The following CADM2 variants were observed in gnomAD, a reference collection of about 807,000 sequenced individuals.
CADM2 encodes cell adhesion molecule 2.
A neutral mutation model predicts 49.8 loss-of-function variants in CADM2; 12 were observed. The ratio of observed to expected loss-of-function variants is 0.24; its 90% CI spans 0.15 to 0.39. CADM2 has a LOEUF of 0.39. Ranked by LOEUF, CADM2 falls within the 10% of genes least tolerant of loss-of-function variation. CADM2 has a pLI of 1.00. For missense variants in CADM2, 378 were observed against 492.3 expected, an observed-to-expected ratio of 0.77 and a Z score of 2.20; for synonymous variants, 214 against 175.4, an observed-to-expected ratio of 1.22 and a Z score of -1.74.
intron 1 of CADM2, among the ~76,000 whole-genome samples, chr3:85,693,600 G>GA (rs762941767): frequency 1.0e-3 from 132 of 132,348 alleles, no homozygotes; most frequent in Non-Finnish European, 1.8e-3. Flanking sequence ...GAAAAAATCA[G>GA]AAGGAGGCTG....
In CADM2 at chr3:85,977,955, A is replaced by G. The variant is rs527870693; in HGVS notation, c.970+16308A>G. ...TGAGTAGGGCTATTTATCAGCAGTA[A>G]AGTACTAGAAAATGTTTGGTGTGAC... On this transcript the variant is annotated intron_variant, in intron 8 of 9. Coordinates refer to ENST00000383699, the MANE Select transcript of CADM2 (RefSeq NM_001167675.2). Among the ~76,000 whole-genome samples the G allele has an allele frequency of 2.6e-5, 4 of 151,716 alleles. No individual in the cohort carries two copies. The South Asian group carries it at 8.3e-4, about 32-fold the overall frequency.
chr3:85,300,794 A>T (rs2106987901), intron 1 of CADM2, among the ~76,000 whole-genome samples: 1 of 152,220 alleles, frequency 6.6e-6, no homozygotes, highest in Non-Finnish European at 1.5e-5. Flanking sequence ...TGCTGCCAGA[A>T]ATGTCGGATT....
chr3:85,512,541 T>G (rs1244429034), intron 1 of CADM2, among the ~76,000 whole-genome samples: 1 of 152,058 alleles, frequency 6.6e-6, no homozygotes, highest in Non-Finnish European at 1.5e-5. Context: ...TCTAAAATAT[T>G]TATTAACTGC....
At chr3:85,466,444 C>T (rs1488722108) in intron 1 of CADM2, among the ~76,000 whole-genome samples, 1 of 152,106 alleles carries the variant, frequency 6.6e-6, no homozygotes, top group Non-Finnish European at 1.5e-5. Flanking sequence ...AATGATAAGA[C>T]ACACGCTAAA....
At chr3:85,447,976 G>C (rs149735908) in intron 1 of CADM2, among the ~76,000 whole-genome samples, 1 of 152,054 alleles carries the variant, frequency 6.6e-6, no homozygotes, top group South Asian at 2.1e-4. Flanking sequence ...TGAAAGAAAA[G>C]CCAATAAGCA....
chr3:85,315,707 G>A (rs1323917831), intron 1 of CADM2, among the ~76,000 whole-genome samples: 2 of 152,200 alleles, frequency 1.3e-5, no homozygotes, highest in East Asian at 1.9e-4. Flanking sequence ...ATTCAGTTCT[G>A]TGTAAAAACT....
intron 1 of CADM2, among the ~76,000 whole-genome samples, chr3:85,076,987 A>G (rs149156315): frequency 1.1e-3 from 171 of 152,252 alleles, no homozygotes; most frequent in African/African-American, 4.1e-3. Flanking sequence ...AGTAATAACA[A>G]TAATAATAAT....
intron 6 of CADM2, among the ~76,000 whole-genome samples, chr3:85,916,470 C>T (rs1489453905): frequency 2.0e-5 from 3 of 151,802 alleles, no homozygotes; most frequent in African/African-American, 7.3e-5. Context: ...TGGTTTCCAG[C>T]TTCATCCATG....
chr3:85,658,577 T>TAC (rs1491304578), intron 1 of CADM2, among the ~76,000 whole-genome samples: 57 of 10,368 alleles, frequency 5.5e-3, no homozygotes, highest in African/African-American at 0.03. Flanking sequence ...GATATATGTG[T>TAC]ATATATATAT....
At chr3:85,854,738 C>G (rs1478945336) in intron 3 of CADM2, among the ~76,000 whole-genome samples, 1 of 151,950 alleles carries the variant, frequency 6.6e-6, no homozygotes, top group African/African-American at 2.4e-5. Flanking sequence ...ATGTAACAAG[C>G]CTGCACGTTC....
chr3:85,521,873 G>C (rs1192896645), intron 1 of CADM2, among the ~76,000 whole-genome samples: 1 of 152,068 alleles, frequency 6.6e-6, no homozygotes, highest in African/African-American at 2.4e-5. Flanking sequence ...AGCTGAAAAT[G>C]AATGCTGCAC....
intron 1 of CADM2, among the ~76,000 whole-genome samples, chr3:85,254,646 G>T (rs570792499): frequency 6.6e-6 from 1 of 152,134 alleles, no homozygotes; most frequent in Non-Finnish European, 1.5e-5. Context: ...ACAAATCTTC[G>T]TTCATGAATG....
At chr3:84,977,297 C>T (rs898620406) in intron 1 of CADM2, among the ~76,000 whole-genome samples, 14 of 151,826 alleles carry the variant, frequency 9.2e-5, no homozygotes, top group Non-Finnish European at 1.6e-4. Context: ...TAGATAAGAA[C>T]TTAGGATGAT....
At chr3:86,026,476 A>G (rs1733919192) in intron 8 of CADM2, among the ~76,000 whole-genome samples, 1 of 152,158 alleles carries the variant, frequency 6.6e-6, no homozygotes, top group Non-Finnish European at 1.5e-5. Context: ...ATGTTTAAGC[A>G]AGAAAGCACT....
chr3:85,539,140 T>TAAAAA lies in CADM2; in HGVS notation c.62-187377_62-187373dup, dbSNP rs140132068. Among the ~76,000 whole-genome samples the TAAAAA allele has an allele frequency of 8.8e-3, 1,306 of 148,336 alleles. 12 individuals carry two copies. Among genetic ancestry groups the TAAAAA allele is most frequent in the African/African-American group, 0.027 (1,088 of 40,706 alleles). Reference sequence around the variant, plus strand: ...AAATGACAATTATTTAGATTTACATTAAAAAAAAACAGCTGTATGAGATTC... The same window carrying TAAAAA: ...AAATGACAATTATTTAGATTTACATTAAAAAAAAAAAAAACAGCTGTATGAGATTC... On this transcript the variant is annotated intron_variant, in intron 1 of 9. Transcript: ENST00000383699.
At chr3:85,468,184 T>C (rs920838251) in intron 1 of CADM2, among the ~76,000 whole-genome samples, 27 of 130,670 alleles carry the variant, frequency 2.1e-4, no homozygotes, top group African/African-American at 8.7e-4. Flanking sequence ...AAAAAAAACA[T>C]TGAGGCAGGA....
intron 2 of CADM2, among the ~76,000 whole-genome samples, chr3:85,775,425 A>C (rs1023228381): frequency 1.3e-5 from 2 of 151,748 alleles, no homozygotes; most frequent in South Asian, 2.1e-4. Flanking sequence ...TATATTGGTG[A>C]TTGGTTCAGG....
intron 1 of CADM2, among the ~76,000 whole-genome samples, chr3:85,567,320 C>T (rs2062295346): frequency 6.6e-6 from 1 of 152,108 alleles, no homozygotes; most frequent in South Asian, 2.1e-4. Flanking sequence ...TACTGCCTTA[C>T]TTTTCCATGA....
chr3:85,938,230 A>C (rs1194638956), intron 7 of CADM2, among the ~76,000 whole-genome samples: 1 of 152,048 alleles, frequency 6.6e-6, no homozygotes, highest in African/African-American at 2.4e-5. Context: ...TACTATTTCC[A>C]ACAGTGCCAG....
Sources: allele counts gnomAD v4.1 joint callset (sites outside exome capture counted in the v4.1 genomes callset), GRCh38; gene constraint gnomAD v4.1.1; transcripts MANE v1.5; gene names NCBI Gene and HGNC (gene_info 2026-07-23, HGNC 2026-07-21).